The following TAFA2 variants were observed in gnomAD, a reference collection of about 807,000 sequenced individuals.
The protein encoded by TAFA2 is chemokine-like protein TAFA-2.
In TAFA2, 7 loss-of-function variants were observed where a neutral mutation model predicts 18.8. The ratio of observed to expected loss-of-function variants is 0.37; its 90% CI spans 0.21 to 0.70. The LOEUF (loss-of-function observed/expected upper bound fraction) is 0.70. TAFA2 is among the 30% of genes least tolerant of loss of function. The pLI is 0.53. For missense variants in TAFA2, 122 were observed against 158.1 expected (o/e 0.77, Z 1.23); for synonymous variants, 60 against 54.2 (o/e 1.11, Z -0.47).
chr12:62,063,638 G>T (rs1882409896), intron 1 of TAFA2, among the ~76,000 whole-genome samples: 1 of 152,134 alleles, frequency 6.6e-6, no homozygotes, highest in South Asian at 2.1e-4. Flanking sequence ...TTTGCACAAT[G>T]AATGCTATTC....
chr12:62,084,074 C>G (rs1868365763), intron 1 of TAFA2, among the ~76,000 whole-genome samples: 1 of 152,056 alleles, frequency 6.6e-6, no homozygotes, highest in African/African-American at 2.4e-5. Flanking sequence ...AGTACATTTT[C>G]AAAAAAGCCA....
chr12:62,105,062 T>G (rs958920116), intron 1 of TAFA2: 3 of 187,440 alleles, frequency 1.6e-5, no homozygotes, highest in Non-Finnish European at 3.4e-5. Context: ...TTTTTTTTGT[T>G]TTGTTTTGTT....
intron 1 of TAFA2, among the ~76,000 whole-genome samples, chr12:62,238,712 C>G (rs2136988403): frequency 6.6e-6 from 1 of 152,310 alleles, no homozygotes; most frequent in Middle Eastern, 3.4e-3. Context: ...GCCCTGATAA[C>G]TAGCATTGTC....
chr12:62,109,198 G>A (rs10784281), intron 1 of TAFA2, among the ~76,000 whole-genome samples: 34,103 of 152,046 alleles, frequency 0.22, 4,190 homozygotes, highest in East Asian at 0.37. Flanking sequence ...TTCTGCATGT[G>A]GCTAGCCAGT....
At chr12:61,895,133 A>T (rs534666598) in intron 1 of TAFA2, among the ~76,000 whole-genome samples, 12 of 152,186 alleles carry the variant, frequency 7.9e-5, no homozygotes, top group Non-Finnish European at 1.5e-4. Context: ...GCCAATAAAC[A>T]TGCATGGATA....
intron 1 of TAFA2, among the ~76,000 whole-genome samples, chr12:62,215,746 C>CTTGCTTAAGAGAAACAACTTGTTTCTCAA (rs1417647952): frequency 4.1e-4 from 30 of 72,550 alleles, no homozygotes; most frequent in African/African-American, 1.3e-3. Flanking sequence ...ACTTGTTTCT[C>CTTGCTTAAGAGAAACAACTTGTTTCTCAA]AAAAAAAAAA....
rs565033689 is a variant in TAFA2, at chr12:62,074,904, G to A, written c.-2+116355C>T. 9.7e-4 allele frequency among the ~76,000 whole-genome samples: 148 copies of A among 151,930 alleles called. 3 individuals carry two copies. Among genetic ancestry groups the A allele is most frequent in the African/African-American group, 2.0e-3 (81 of 41,448 alleles). On this transcript the variant is annotated intron_variant, in intron 1 of 4. Coordinates refer to ENST00000416284, the MANE Select transcript of TAFA2 (RefSeq NM_178539.5). ...TTTAGTAGAGATGGGGTTTTGCCACGTTGCCCAGGCTGGTTTCAAACTCCT... is the reference window on the plus strand; with the variant it reads ...TTTAGTAGAGATGGGGTTTTGCCACATTGCCCAGGCTGGTTTCAAACTCCT...
chr12:62,075,755 C>T (rs1463982108), intron 1 of TAFA2, among the ~76,000 whole-genome samples: 1 of 152,104 alleles, frequency 6.6e-6, no homozygotes, highest in East Asian at 1.9e-4. Context: ...TTTACTCTTG[C>T]AGACTTATTA....
chr12:61,799,174 G>C (rs1215960180), intron 2 of TAFA2, among the ~76,000 whole-genome samples: 1 of 152,224 alleles, frequency 6.6e-6, no homozygotes, highest in African/African-American at 2.4e-5. Context: ...TGTGGATGAA[G>C]AACAGTATCA....
intron 1 of TAFA2, among the ~76,000 whole-genome samples, chr12:62,047,974 T>C (rs1881953242): frequency 6.6e-6 from 1 of 152,092 alleles, no homozygotes; most frequent in Admixed American, 6.5e-5. Flanking sequence ...AAGGAAAAAA[T>C]GTGTTACGAT....
At chr12:61,724,276 C>T (rs1053032740) in intron 4 of TAFA2, among the ~76,000 whole-genome samples, 1 of 152,082 alleles carries the variant, frequency 6.6e-6, no homozygotes, top group Non-Finnish European at 1.5e-5. Flanking sequence ...TGTGGAACTG[C>T]ATGAACAAAG....
intron 1 of TAFA2, among the ~76,000 whole-genome samples, chr12:62,224,052 T>C (rs1455273139): frequency 6.6e-6 from 1 of 150,436 alleles, no homozygotes; most frequent in Non-Finnish European, 1.5e-5. Context: ...AATGGATGAA[T>C]GAATAAACAA....
chr12:62,238,957 T>C (rs2062849900), intron 1 of TAFA2, among the ~76,000 whole-genome samples: 1 of 152,242 alleles, frequency 6.6e-6, no homozygotes, highest in South Asian at 2.1e-4. Context: ...AGAAAACAAA[T>C]GTCTGATTCC....
chr12:62,033,754 C>A (rs1040039003), intron 1 of TAFA2, among the ~76,000 whole-genome samples: 2 of 151,494 alleles, frequency 1.3e-5, no homozygotes, highest in African/African-American at 4.9e-5. Flanking sequence ...GCCTGAGATG[C>A]CTTTCCCTAC....
At chr12:62,003,086 A>G (rs899398600) in intron 1 of TAFA2, among the ~76,000 whole-genome samples, 3 of 152,024 alleles carry the variant, frequency 2.0e-5, no homozygotes, top group Non-Finnish European at 4.4e-5. Context: ...TCTCACCACC[A>G]TCATCTCTCA....
At chr12:62,143,949 G>A (rs970111396) in intron 1 of TAFA2, among the ~76,000 whole-genome samples, 10 of 150,710 alleles carry the variant, frequency 6.6e-5, no homozygotes, top group Non-Finnish European at 1.2e-4. Context: ...TCGGGAGGCT[G>A]AGGTGGGAGG....
chr12:62,031,790 T>C (rs938575951), intron 1 of TAFA2, among the ~76,000 whole-genome samples: 8 of 152,338 alleles, frequency 5.3e-5, no homozygotes, highest in African/African-American at 1.9e-4. Context: ...TCTGTTGATA[T>C]ATATGTTGTA....
At chr12:61,912,591 G>T (rs184584397) in intron 1 of TAFA2, among the ~76,000 whole-genome samples, 1 of 152,200 alleles carries the variant, frequency 6.6e-6, no homozygotes, top group African/African-American at 2.4e-5. Flanking sequence ...ATATTCATGA[G>T]AGAGAAGAAA....
At chr12:62,047,782 A>T (rs1196353268) in intron 1 of TAFA2, among the ~76,000 whole-genome samples, 1 of 152,174 alleles carries the variant, frequency 6.6e-6, no homozygotes, top group Non-Finnish European at 1.5e-5. Context: ...ACCTCAGTCT[A>T]CCTGCCTTCA....
Sources: gnomAD v4.1 joint callset for allele counts (sites outside exome capture counted in the v4.1 genomes callset) on GRCh38, gnomAD v4.1.1 for gene constraint, MANE v1.5 for transcripts, NCBI Gene and HGNC (gene_info 2026-07-23, HGNC 2026-07-21) for gene names.